The following IMPG2 variants were observed in gnomAD, a reference collection of about 807,000 sequenced individuals.
IMPG2 encodes the protein interphotoreceptor matrix proteoglycan 2, also known as IPM 200.
Under a neutral mutation model 129.2 loss-of-function variants are expected in IMPG2, and 91 were observed. The observed-to-expected ratio is 0.70, with a 90% confidence interval of 0.59 to 0.84. The LOEUF is 0.84. Among genes scored for constraint, IMPG2 ranks in the 40% least tolerant of loss-of-function variants. The pLI is 0.00. For synonymous variants in IMPG2, 510 were observed against 517.7 expected, an observed-to-expected ratio of 0.99 and a Z score of 0.20; for missense variants, 1,430 against 1,461.7, an observed-to-expected ratio of 0.98 and a Z score of 0.35.
chr3:101,320,083 A>G (rs953750653), intron 1 of IMPG2, among the ~76,000 whole-genome samples: 1 of 152,150 alleles, frequency 6.6e-6, no homozygotes, highest in African/African-American at 2.4e-5. Context: ...AATAAATAAA[A>G]GTAAGGTTTA....
At chr3:101,258,751 T>C (rs1706639545) in intron 9 of IMPG2, among the ~76,000 whole-genome samples, 1 of 152,174 alleles carries the variant, frequency 6.6e-6, no homozygotes, top group Admixed American at 6.6e-5. Context: ...TGAGTTGATG[T>C]GTTGACATTT....
At chr3:101,279,087 T>A (rs1706867289) in intron 4 of IMPG2, among the ~76,000 whole-genome samples, 1 of 152,150 alleles carries the variant, frequency 6.6e-6, no homozygotes, top group Non-Finnish European at 1.5e-5. Context: ...AGAAATAAGG[T>A]CCAAACAGGT....
rs368373375 is a variant in IMPG2 at position 101,257,791 on chromosome 3, G to A, written c.909-18C>T. 8.7e-6 allele frequency: 14 copies of A among 1,612,456 alleles called. No individual in the cohort carries two copies. The highest frequency in any genetic ancestry group is 2.2e-5 in the East Asian group (1 of 44,870). ...CTACGCCACTATGGATGGAAAGAGA[G>A]AACAGGTTAGGTTCAGCTAAGGAAG... On this transcript the variant is annotated intron_variant, in intron 9 of 18. Transcript: ENST00000193391.
At chr3:101,302,159 T>C (rs1707145442) in intron 3 of IMPG2, among the ~76,000 whole-genome samples, 1 of 152,222 alleles carries the variant, frequency 6.6e-6, no homozygotes, top group African/African-American at 2.4e-5. Context: ...CAACACATCA[T>C]TCCCTTCATC....
chr3:101,268,577 C>T (rs375585691), intron 8 of IMPG2, among the ~76,000 whole-genome samples: 2 of 151,804 alleles, frequency 1.3e-5, no homozygotes, highest in African/African-American at 4.8e-5. Context: ...GTAACTATCT[C>T]ATAGCATTGA....
At chr3:101,254,855 TAGTA>T (rs1036428433) in intron 10 of IMPG2, among the ~76,000 whole-genome samples, 1 of 151,950 alleles carries the variant, frequency 6.6e-6, no homozygotes, top group African/African-American at 2.4e-5. Flanking sequence ...GTTCTCATGA[TAGTA>T]AGTGAGTCCT....
chr3:101,291,439 G>A, intron 4 of IMPG2, 40 bp downstream of exon 4: 1 of 1,567,708 alleles, frequency 6.4e-7, no homozygotes, highest in East Asian at 2.2e-5. Context: ...TGACACATCT[G>A]TGTTGCCAAA....
chr3:101,308,276 C>G (rs1707225181), intron 2 of IMPG2, among the ~76,000 whole-genome samples: 1 of 4,294 alleles, frequency 2.3e-4, no homozygotes, highest in East Asian at 6.5e-3. Context: ...AGTGGGGACT[C>G]TGTGTGGGGC....
intron 3 of IMPG2, among the ~76,000 whole-genome samples, chr3:101,292,036 T>C (rs1207048213): frequency 2.6e-5 from 4 of 152,218 alleles, no homozygotes; most frequent in Non-Finnish European, 5.9e-5. Context: ...ATTAGGATTG[T>C]TATTTTGAGA....
At chr3:101,256,193 G>GAAAGA (rs1292360968) in intron 10 of IMPG2, among the ~76,000 whole-genome samples, 5 of 148,188 alleles carry the variant, frequency 3.4e-5, no homozygotes, top group African/African-American at 1.0e-4. Flanking sequence ...AAGAAAGAAA[G>GAAAGA]AAAGAAAGAA....
intron 10 of IMPG2, among the ~76,000 whole-genome samples, chr3:101,256,219 A>ACGAAC: frequency 6.6e-6 from 1 of 150,832 alleles, no homozygotes; most frequent in African/African-American, 2.4e-5. Flanking sequence ...GAAAGAAAGA[A>ACGAAC]AAAAATATCT....
At position 101,320,333 on chromosome 3, in the gene IMPG2, T is replaced by A. The variant is rs908241400; in HGVS notation, c.40A>T (p.Ile14Phe). Residue 14 changes from isoleucine (I) to phenylalanine (F), a missense_variant, in exon 1 of 19, where the codon ATT becomes TTT. By Grantham distance (21) the Ile-to-Phe change is conservative. Coordinates refer to ENST00000193391, the MANE Select transcript of IMPG2 (RefSeq NM_016247.4). ...CCTTCTATCAGGACAAATATCAAAA[T>A]ACCCAGAGAAATCTTCCCAAAAAGA... ...FPLFGKISLG[I>F]LIFVLIEGDF... The A allele has an allele frequency of 1.2e-6, 2 of 1,607,952 alleles. No individual in the cohort carries two copies. The highest frequency in any genetic ancestry group is 1.7e-6 in the Non-Finnish European group (2 of 1,175,110).
At position 101,228,941 on chromosome 3, in the gene IMPG2, G is replaced by C. The variant is rs1426109440; in HGVS notation, c.3634-65C>G. On this transcript the variant is annotated intron_variant, in intron 17 of 18. Transcript: ENST00000193391. The stretch of plus-strand genomic sequence containing the variant: ...GAAAAACCTCAACAGCCTTTTAAAA[G>C]GGGTTCTAATTTTCATAAGGAATTG... 1.2e-5 allele frequency: 14 copies of C among 1,169,478 alleles called. No homozygotes were observed. The Admixed American group carries it at 1.7e-4, about 14-fold the overall frequency. 72.4% of individuals were successfully genotyped at this position (1,169,478 alleles called of 1,614,324 possible).
At chr3:101,293,760 T>A (rs1030554114) in intron 3 of IMPG2, among the ~76,000 whole-genome samples, 2 of 152,240 alleles carry the variant, frequency 1.3e-5, no homozygotes, top group Non-Finnish European at 2.9e-5. Context: ...CTTAGCTAGA[T>A]CTTCTAGACA....
chr3:101,247,185 G>A (rs777313450), intron 11 of IMPG2, among the ~76,000 whole-genome samples: 1 of 152,114 alleles, frequency 6.6e-6, no homozygotes, highest in East Asian at 1.9e-4. Flanking sequence ...GTCTATTCTG[G>A]ATTCTGAATA....
intron 9 of IMPG2, among the ~76,000 whole-genome samples, chr3:101,260,218 C>T (rs531609167): frequency 2.0e-4 from 30 of 152,184 alleles, no homozygotes; most frequent in African/African-American, 7.2e-4. Context: ...TACTGTTTTC[C>T]TCCCAGATAT....
intron 11 of IMPG2, among the ~76,000 whole-genome samples, chr3:101,250,729 C>T (rs773259112): frequency 2.0e-5 from 3 of 152,150 alleles, no homozygotes; most frequent in South Asian, 2.1e-4. Context: ...TCCATGCTCT[C>T]ATTTGGGTTA....
At chr3:101,266,859 C>G (rs1706726051) in intron 9 of IMPG2, among the ~76,000 whole-genome samples, 1 of 152,174 alleles carries the variant, frequency 6.6e-6, no homozygotes, top group African/African-American at 2.4e-5. Context: ...GGAGGTTAAG[C>G]TGGCCACTTC....
At chr3:101,254,161 A>G (rs1020083069) in intron 10 of IMPG2, among the ~76,000 whole-genome samples, 1 of 152,124 alleles carries the variant, frequency 6.6e-6, no homozygotes, top group East Asian at 1.9e-4. Flanking sequence ...TATGCTAAGA[A>G]TGGTAGAAAA....
Sources: allele counts gnomAD v4.1 joint callset (sites outside exome capture counted in the v4.1 genomes callset), GRCh38; gene constraint gnomAD v4.1.1; transcripts MANE v1.5; gene names NCBI Gene and HGNC (gene_info 2026-07-23, HGNC 2026-07-21).